The following CACNA1S variants were observed in gnomAD, a reference collection of about 807,000 sequenced individuals.
CACNA1S encodes the protein calcium voltage-gated channel subunit alpha1 S, also known as voltage-dependent L-type calcium channel subunit alpha-1S.
A neutral mutation model predicts 207.4 loss-of-function variants in CACNA1S; 126 were observed. The ratio of observed to expected loss-of-function variants is 0.61; its 90% CI spans 0.53 to 0.70. CACNA1S has a LOEUF of 0.70. Ranked by LOEUF, CACNA1S falls within the 30% of genes least tolerant of loss-of-function variation. The pLI is 0.00. For missense variants in CACNA1S, 2,349 were observed against 2,422.8 expected, an observed-to-expected ratio of 0.97 and a Z score of 0.64; for synonymous variants, 960 against 932.7, an observed-to-expected ratio of 1.03 and a Z score of -0.53.
chr1:201,056,666 T>C (rs1660855971), intron 28 of CACNA1S, among the ~76,000 whole-genome samples: 1 of 152,264 alleles, frequency 6.6e-6, no homozygotes, highest in Admixed American at 6.5e-5. Flanking sequence ...TTTTGGCCTC[T>C]GACTCTCGGA....
At chr1:201,070,967 C>T (rs1368694809) in intron 16 of CACNA1S, among the ~76,000 whole-genome samples, 1 of 152,118 alleles carries the variant, frequency 6.6e-6, no homozygotes, top group Non-Finnish European at 1.5e-5. Context: ...AAAAAGCAAT[C>T]AGAATTTCTT....
chr1:201,104,076 G>A (rs1235744657), intron 2 of CACNA1S, among the ~76,000 whole-genome samples: 1 of 152,354 alleles, frequency 6.6e-6, no homozygotes, highest in East Asian at 1.9e-4. Flanking sequence ...TGGAAATAAA[G>A]CAAAGAAAGG....
chr1:201,075,175 G>A lies in CACNA1S; in HGVS notation c.1948+320C>T, dbSNP rs3767509. Among the ~76,000 whole-genome samples the A allele has an allele frequency of 0.025, 3,876 of 152,254 alleles. 154 individuals carry two copies. Among genetic ancestry groups the A allele is most frequent in the East Asian group, 0.14 (730 of 5,172 alleles). On this transcript the variant is annotated intron_variant, in intron 13 of 43. Transcript: ENST00000362061. ...TGCCTCTGAACCTTTGGAGAAGGCT[G>A]TCCCACCATCTTCATGTTCCTCAGC... is the stretch of plus-strand genomic sequence containing the variant.
rs759419404 is a variant in CACNA1S at position 201,049,115 on chromosome 1, C to G, written c.4242-16G>C. On this transcript the variant is annotated splice_polypyrimidine_tract_variant and intron_variant, in intron 34 of 43. Transcript: ENST00000362061. ...GATTCTCCCCCTGCGGGAGGACACA[C>G]AGACTTGTGTACCTGCTACCCTCCT... 1 of 1,580,612 alleles carries G rather than the reference C, an allele frequency of 6.3e-7. No homozygotes were observed. Among genetic ancestry groups the G allele is most frequent in the East Asian group, 2.3e-5 (1 of 44,018 alleles).
At chr1:201,057,169 C>T (rs994972914) in intron 28 of CACNA1S, among the ~76,000 whole-genome samples, 4 of 152,252 alleles carry the variant, frequency 2.6e-5, no homozygotes, top group Non-Finnish European at 5.9e-5. Flanking sequence ...CTTCAAGGGC[C>T]TAGATGATCT....
chr1:201,110,388 C>G, intron 1 of CACNA1S, 119 bp from the exon 2 acceptor site: 1 of 862,838 alleles, frequency 1.2e-6, no homozygotes, highest in Non-Finnish European at 1.9e-6. Context: ...TGGACAGGCT[C>G]ATGGACGCTC....
At chr1:201,089,943 A>G in intron 5 of CACNA1S, among the ~76,000 whole-genome samples, 1 of 152,228 alleles carries the variant, frequency 6.6e-6, no homozygotes, top group East Asian at 1.9e-4. Context: ...GTCTGCACTC[A>G]GGGGAAGTTC....
chr1:201,047,678 C>A (rs1245977698), intron 36 of CACNA1S, 52 bp from the exon 37 acceptor site: 7 of 1,147,120 alleles, frequency 6.1e-6, no homozygotes, highest in Non-Finnish European at 9.3e-6. Flanking sequence ...CTGCACTTGA[C>A]AAGGCCACCC....
At position 201,066,856 on chromosome 1, in the gene CACNA1S, G is replaced by C. The variant is rs1661262336; in HGVS notation, c.2657+31C>G. On this transcript the variant is annotated intron_variant, in intron 20 of 43. Transcript: ENST00000362061. The surrounding 1 kb of genome is among the most constrained non-coding windows in gnomAD (Gnocchi z 4.3). Reference sequence around the variant, plus strand: ...CCTGGCACAGAGCAGAGGGTGGTCTGTGCCCAGGGCTGGCCCTTGCCGCTG... The same window carrying C: ...CCTGGCACAGAGCAGAGGGTGGTCTCTGCCCAGGGCTGGCCCTTGCCGCTG... 3.3e-6 allele frequency: 5 copies of C among 1,524,562 alleles called. No homozygotes were observed. Among genetic ancestry groups the C allele is most frequent in the Non-Finnish European group, 4.5e-6 (5 of 1,099,284 alleles). 94.4% of individuals were successfully genotyped at this position (1,524,562 alleles called of 1,614,324 possible). A position where few individuals can be genotyped will look rare whatever the true frequency, so the allele number is the denominator to read the frequency against.
intron 1 of CACNA1S, among the ~76,000 whole-genome samples, chr1:201,111,922 T>TCCTCCTCCTCTTCCTCCTCCTCCCCGAC (rs1663120405): frequency 4.7e-5 from 1 of 21,228 alleles, no homozygotes; most frequent in Non-Finnish European, 8.6e-5. Flanking sequence ...TTCCTCTTCC[T>TCCTCCTCCTCTTCCTCCTCCTCCCCGAC]CCTCCTCCTC....
intron 42 of CACNA1S, 103 bp from the exon 43 acceptor site, chr1:201,040,477 A>G: frequency 6.7e-7 from 1 of 1,496,550 alleles, no homozygotes; most frequent in Non-Finnish European, 9.2e-7. Context: ...AGATCCACAG[A>G]AAGGGGAGGA....
At chr1:201,046,480 C>A (rs1660473112) in intron 38 of CACNA1S, among the ~76,000 whole-genome samples, 3 of 151,950 alleles carry the variant, frequency 2.0e-5, no homozygotes, top group African/African-American at 7.2e-5. Flanking sequence ...CGCACCTGGA[C>A]CCATACCCAG....
chr1:201,084,830 GC>G (rs1045306648), intron 9 of CACNA1S, 119 bp downstream of exon 9: 9 of 742,350 alleles, frequency 1.2e-5, no homozygotes, highest in Non-Finnish European at 1.9e-5. Context: ...TAAAAAGGCT[GC>G]CTTTCTAAAG....
intron 10 of CACNA1S, among the ~76,000 whole-genome samples, chr1:201,081,782 C>CA (rs753040611): frequency 5.8e-4 from 88 of 152,316 alleles, no homozygotes; most frequent in Non-Finnish European, 1.1e-3. Flanking sequence ...TAAGTCAGCT[C>CA]ACTCTGAGTT....
chr1:201,095,874 T>G (rs1662406034), intron 2 of CACNA1S, among the ~76,000 whole-genome samples: 1 of 152,130 alleles, frequency 6.6e-6, no homozygotes, highest in South Asian at 2.1e-4. Flanking sequence ...GGGATCTCCC[T>G]GGAATTGGGT....
Position 201,041,570 on chromosome 1 carries a change from A to G in CACNA1S, c.5068T>C (p.Phe1690Leu). The G allele has an allele frequency of 6.2e-7, 1 of 1,613,870 alleles. No homozygotes were observed. Among genetic ancestry groups the G allele is most frequent in the Non-Finnish European group, 8.5e-7 (1 of 1,179,874 alleles). ...VFSSVHYEREFPEETETPATR... is the reference protein window; with the variant it reads ...VFSSVHYERELPEETETPATR... ...GCAGGCGTCTCTGTCTCTTCTGGGAACTCCCTTTCATAGTGGACACTGAAA... is the reference window on the plus strand; with the variant it reads ...GCAGGCGTCTCTGTCTCTTCTGGGAGCTCCCTTTCATAGTGGACACTGAAA... The change falls in exon 41 of 44, where the codon TTC (phenylalanine) becomes CTC (leucine). Residue 1690 changes from phenylalanine (F) to leucine (L), a missense_variant. By Grantham distance (22) the Phe-to-Leu change is conservative. Transcript: ENST00000362061.
In CACNA1S at chr1:201,083,155, GC is replaced by G. The variant is rs1311209359; in HGVS notation, c.1393+6del. On this transcript the variant is annotated splice_donor_region_variant and intron_variant, in intron 10 of 43. Transcript: ENST00000362061. ...CCTCCTCCCGGCTTCACTCCGTTCC[GC>G]CTCACCTTGCAAACGGGTCAGCCAG... 1 of 1,612,958 alleles carries G rather than the reference GC, an allele frequency of 6.2e-7. No individual in the cohort carries two copies. The highest frequency in any genetic ancestry group is 1.3e-5 in the African/African-American group (1 of 74,908).
rs376841055 is a variant in CACNA1S at position 201,076,960 on chromosome 1, T to G, written c.1787A>C (p.Asn596Thr). The G allele has an allele frequency of 1.9e-6, 3 of 1,614,102 alleles. No homozygotes were observed. Among genetic ancestry groups the G allele is most frequent in the Non-Finnish European group, 2.5e-6 (3 of 1,180,058 alleles). Reference protein sequence around the residue: ...DFEDTEVRRSNFDNFPQALIS... With the variant: ...DFEDTEVRRSTFDNFPQALIS... Reference sequence around the variant, plus strand: ...GAGGGCTTGGGGAAAGTTGTCAAAGTTGCTGCGCCGTACTTCTGTGTCTTC... The same window carrying G: ...GAGGGCTTGGGGAAAGTTGTCAAAGGTGCTGCGCCGTACTTCTGTGTCTTC... Residue 596 changes from asparagine (N) to threonine (T), a missense_variant, in exon 12 of 44, where the codon AAC becomes ACC. Physicochemically the swap from Asn to Thr is moderately conservative, Grantham distance 65. Transcript: ENST00000362061.
chr1:201,050,576 G>C (rs373014329), intron 33 of CACNA1S, 60 bp from the exon 34 acceptor site: 2 of 1,606,234 alleles, frequency 1.2e-6, no homozygotes, highest in East Asian at 2.2e-5. Context: ...GGGTTAGGGT[G>C]GGGGAGCTGG....
Sources: allele counts gnomAD v4.1 joint callset (sites outside exome capture counted in the v4.1 genomes callset), GRCh38; gene constraint gnomAD v4.1.1; non-coding constraint Gnocchi (gnomAD v3.1); transcripts MANE v1.5; gene names NCBI Gene and HGNC (gene_info 2026-07-23, HGNC 2026-07-21).